The following STK32A variants were observed in gnomAD, a reference collection of about 807,000 sequenced individuals.
STK32A encodes the protein serine/threonine kinase 32A.
A neutral mutation model predicts 53.2 loss-of-function variants in STK32A; 41 were observed. The ratio of observed to expected loss-of-function variants is 0.77; its 90% CI spans 0.60 to 1.00. STK32A has a LOEUF of 1.00. STK32A is among the 50% of genes least tolerant of loss of function. STK32A has a pLI of 0.00. For missense variants in STK32A, 458 were observed against 485.8 expected (o/e 0.94, Z 0.54); for synonymous variants, 166 against 162.8 (o/e 1.02, Z -0.15).
chr5:147,235,653 A>T (rs1753281362), intron 1 of STK32A, among the ~76,000 whole-genome samples: 1 of 152,238 alleles, frequency 6.6e-6, no homozygotes, highest in Admixed American at 6.5e-5. Flanking sequence ...TTTCAGAAGT[A>T]TGATGGCAGA....
chr5:147,379,341 A>G (rs1264426318), intron 11 of STK32A, among the ~76,000 whole-genome samples: 1 of 151,946 alleles, frequency 6.6e-6, no homozygotes, highest in African/African-American at 2.4e-5. Flanking sequence ...TGATTGAGAT[A>G]CACTGTTATA....
At chr5:147,330,782 G>T (rs1754830026) in intron 5 of STK32A, among the ~76,000 whole-genome samples, 1 of 152,210 alleles carries the variant, frequency 6.6e-6, no homozygotes, top group African/African-American at 2.4e-5. Flanking sequence ...CAAGAAGGCT[G>T]CCCACCTGTA....
the STK32A span, among the ~76,000 whole-genome samples, chr5:147,400,447 T>G: frequency 0.013 from 1,979 of 152,380 alleles, 128 homozygotes; most frequent in East Asian, 0.18. Flanking sequence ...AGGAGTTGCA[T>G]GTCTGGTTCC....
At chr5:147,275,638 T>G (rs890517613) in intron 2 of STK32A, among the ~76,000 whole-genome samples, 3 of 152,182 alleles carry the variant, frequency 2.0e-5, no homozygotes, top group Admixed American at 6.5e-5. Context: ...ATAGTCACTT[T>G]TAATCTATCA....
At chr5:147,316,218 A>G (rs80179958) in intron 4 of STK32A, among the ~76,000 whole-genome samples, 4,842 of 152,280 alleles carry the variant, frequency 0.032, 102 homozygotes, top group Middle Eastern at 0.079. Flanking sequence ...GAGGGAGAAG[A>G]CTGATGAAGT....
intron 2 of STK32A, among the ~76,000 whole-genome samples, chr5:147,263,378 C>A (rs910691325): frequency 2.0e-5 from 3 of 152,214 alleles, no homozygotes; most frequent in Non-Finnish European, 4.4e-5. Flanking sequence ...TAGGTCTCCA[C>A]ACTTAAATAT....
At chr5:147,341,176 T>C (rs1755385585) in intron 5 of STK32A, among the ~76,000 whole-genome samples, 1 of 152,222 alleles carries the variant, frequency 6.6e-6, no homozygotes, top group Non-Finnish European at 1.5e-5. Flanking sequence ...CCATCTTTGG[T>C]AGGGCTCCTC....
At chr5:147,278,652 T>C (rs1477724576) in intron 3 of STK32A, among the ~76,000 whole-genome samples, 1 of 152,252 alleles carries the variant, frequency 6.6e-6, no homozygotes, top group Non-Finnish European at 1.5e-5. Context: ...AAGAAACTTC[T>C]GTATTCAAAC....
At chr5:147,370,584 A>T in intron 8 of STK32A, 70 bp from the exon 9 acceptor site, 1 of 980,778 alleles carries the variant, frequency 1.0e-6, no homozygotes, top group South Asian at 1.5e-5. Flanking sequence ...TTTAGCTTGG[A>T]AACATTTGGA....
At chr5:147,326,126 C>T (rs1414977765) in intron 5 of STK32A, among the ~76,000 whole-genome samples, 1 of 152,160 alleles carries the variant, frequency 6.6e-6, no homozygotes, top group Non-Finnish European at 1.5e-5. Flanking sequence ...AATATTGATA[C>T]AATTTTTCCC....
chr5:147,366,830 T>C (rs1014058506), intron 8 of STK32A, among the ~76,000 whole-genome samples: 3 of 151,908 alleles, frequency 2.0e-5, no homozygotes, highest in African/African-American at 7.3e-5. Context: ...TATAGATAGA[T>C]GTGTTGTTTT....
the STK32A span, chr5:147,393,902 A>G: frequency 1.7e-5 from 15 of 887,258 alleles, no homozygotes; most frequent in South Asian, 1.0e-4. Context: ...TTGGAGAAAC[A>G]TAAGGCTTGA....
At position 147,375,131 on chromosome 5, in the gene STK32A, A is replaced by C. The variant is rs1287504271; in HGVS notation, c.945A>C (p.Glu315Asp). ...GTGATCCTACCTTTGAACTTGAGGA[A>C]ATGATTTTGGAGTCCAAACCTCTAC... The part of the protein sequence containing the change: ...LNCDPTFELE[E>D]MILESKPLHK... The change falls in exon 11 of 13, where the codon GAA (glutamate) becomes GAC (aspartate). Residue 315 changes from glutamate (E) to aspartate (D), a missense_variant. Coordinates refer to ENST00000397936, the MANE Select transcript of STK32A (RefSeq NM_001112724.2). 6.2e-7 allele frequency: 1 copy of C among 1,609,140 alleles called. No homozygotes were observed. Among genetic ancestry groups the C allele is most frequent in the East Asian group, 2.2e-5 (1 of 44,806 alleles).
chr5:147,286,074 T>G (rs1752317928), intron 4 of STK32A, among the ~76,000 whole-genome samples: 1 of 152,114 alleles, frequency 6.6e-6, no homozygotes, highest in Admixed American at 6.6e-5. Flanking sequence ...TATGTATACA[T>G]GATGGAATAC....
intron 2 of STK32A, among the ~76,000 whole-genome samples, chr5:147,254,642 G>A (rs12520321): frequency 0.31 from 47,455 of 151,988 alleles, 7,696 homozygotes; most frequent in African/African-American, 0.38. Context: ...CTCCTGTGTC[G>A]TTCCCCTATT....
intron 5 of STK32A, among the ~76,000 whole-genome samples, chr5:147,338,323 T>C (rs950055113): frequency 6.6e-6 from 1 of 152,150 alleles, no homozygotes; most frequent in Non-Finnish European, 1.5e-5. Flanking sequence ...AGAGGTGCCT[T>C]TGCTTCTCCA....
At chr5:147,315,825 C>A (rs891850238) in intron 4 of STK32A, among the ~76,000 whole-genome samples, 1 of 152,112 alleles carries the variant, frequency 6.6e-6, no homozygotes. Flanking sequence ...CGACTTTTCT[C>A]AGTATACCTT....
intron 2 of STK32A, among the ~76,000 whole-genome samples, chr5:147,246,345 G>C (rs551466526): frequency 6.6e-6 from 1 of 152,124 alleles, no homozygotes; most frequent in African/African-American, 2.4e-5. Context: ...CTGAGCTAGT[G>C]GTTCCAACTG....
intron 2 of STK32A, among the ~76,000 whole-genome samples, chr5:147,259,238 A>G (rs1414945382): frequency 6.6e-6 from 1 of 152,122 alleles, no homozygotes; most frequent in Non-Finnish European, 1.5e-5. Context: ...TTCACTTTTT[A>G]TATATTTTTT....
Sources: gnomAD v4.1 joint callset for allele counts (sites outside exome capture counted in the v4.1 genomes callset) on GRCh38, gnomAD v4.1.1 for gene constraint, MANE v1.5 for transcripts, NCBI Gene and HGNC (gene_info 2026-07-23, HGNC 2026-07-21) for gene names.